HERC3: variants seen among roughly 807,000 people sequenced by gnomAD.
The protein encoded by HERC3 is probable E3 ubiquitin-protein ligase HERC3.
HERC3 carries 58 observed loss-of-function variants against 129.9 expected under a neutral mutation model. That is an observed-to-expected ratio of 0.45 (90% CI 0.36 to 0.56). The LOEUF is 0.56. Among genes scored for constraint, HERC3 ranks in the 20% least tolerant of loss-of-function variants. HERC3 has a pLI of 0.00. For missense variants in HERC3, 835 were observed against 1,244.2 expected (o/e 0.67, Z 4.95); for synonymous variants, 430 against 451.0 (o/e 0.95, Z 0.59).
At chr4:88,548,720 G>A in the HERC3 span, among the ~76,000 whole-genome samples, 1 of 151,568 alleles carries the variant, frequency 6.6e-6, no homozygotes, top group East Asian at 1.9e-4. Context: ...GAGGGCAGTG[G>A]CACCATCTCG....
chr4:88,581,309 T>TA, the HERC3 span, among the ~76,000 whole-genome samples: 840 of 148,814 alleles, frequency 5.6e-3, 4 homozygotes, highest in Middle Eastern at 0.014. Flanking sequence ...TTATTATTAT[T>TA]TTTTTTTTGA....
intron 3 of HERC3, among the ~76,000 whole-genome samples, chr4:88,628,643 A>G (rs1161903040): frequency 1.3e-5 from 2 of 152,188 alleles, no homozygotes; most frequent in Non-Finnish European, 2.9e-5. Flanking sequence ...AATGTTTCAC[A>G]TTTGCTGTAG....
At chr4:88,634,441 C>A (rs936499573) in intron 3 of HERC3, among the ~76,000 whole-genome samples, 2 of 152,170 alleles carry the variant, frequency 1.3e-5, no homozygotes, top group Non-Finnish European at 1.5e-5. Flanking sequence ...GGCTTCCTTG[C>A]AGGAACTCCG....
intron 3 of HERC3, among the ~76,000 whole-genome samples, chr4:88,621,676 G>A (rs1215387284): frequency 1.3e-5 from 2 of 152,154 alleles, no homozygotes; most frequent in Non-Finnish European, 2.9e-5. Flanking sequence ...GAGAAAGAAA[G>A]GTCACCCCTA....
chr4:88,617,201 A>G (rs28585041), intron 3 of HERC3, among the ~76,000 whole-genome samples: 5,761 of 135,864 alleles, frequency 0.042, 154 homozygotes, highest in Middle Eastern at 0.12. Context: ...AAAAAAAAAA[A>G]GAAATTGAGA....
Position 88,595,178 on chromosome 4 carries a change from A to G in HERC3, c.-87-379A>G, listed in dbSNP as rs146216122. ...AACAGTTGTGGCAAAACAAGCTGCT[A>G]TGTGTCATACATGGAAAAATAAAGA... is the stretch of plus-strand genomic sequence containing the variant. On this transcript the variant is annotated intron_variant, in intron 1 of 25. Transcript: ENST00000402738. Among the ~76,000 whole-genome samples the G allele has an allele frequency of 7.2e-4, 110 of 151,976 alleles. 1 individual carries two copies. The East Asian group carries it at 0.02, about 28-fold the overall frequency.
chr4:88,663,711 T>A (rs1730747639), intron 11 of HERC3, among the ~76,000 whole-genome samples: 1 of 152,258 alleles, frequency 6.6e-6, no homozygotes, highest in South Asian at 2.1e-4. Context: ...CACTATTTTT[T>A]AATTTATGTC....
chr4:88,574,582 C>T, the HERC3 span, among the ~76,000 whole-genome samples: 2 of 152,210 alleles, frequency 1.3e-5, no homozygotes, highest in African/African-American at 4.8e-5. Context: ...AACCACTCTC[C>T]ATTTCCTCTT....
chr4:88,627,998 G>A (rs1560692630), intron 3 of HERC3, among the ~76,000 whole-genome samples: 1 of 151,674 alleles, frequency 6.6e-6, no homozygotes, highest in Non-Finnish European at 1.5e-5. Flanking sequence ...GTGCATCAAC[G>A]ATCAAAAAGA....
chr4:88,640,022 A>G (rs376818708), intron 3 of HERC3, among the ~76,000 whole-genome samples: 6 of 152,352 alleles, frequency 3.9e-5, no homozygotes, highest in African/African-American at 9.6e-5. Flanking sequence ...CAAAACCACA[A>G]TGAGATACCA....
chr4:88,534,925 T>C, the HERC3 span, among the ~76,000 whole-genome samples: 1 of 152,200 alleles, frequency 6.6e-6, no homozygotes, highest in Non-Finnish European at 1.5e-5. Flanking sequence ...TTTTTTTGTA[T>C]TCAGATGAAG....
chr4:88,624,341 C>G (rs1725863141), intron 3 of HERC3, among the ~76,000 whole-genome samples: 1 of 152,110 alleles, frequency 6.6e-6, no homozygotes, highest in Non-Finnish European at 1.5e-5. Context: ...AAGAAACTGC[C>G]AGTAATTTAT....
chr4:88,544,634 G>A, the HERC3 span, among the ~76,000 whole-genome samples: 1 of 152,142 alleles, frequency 6.6e-6, no homozygotes, highest in Non-Finnish European at 1.5e-5. Flanking sequence ...GTTTATTGCG[G>A]CACTATTCAC....
intron 23 of HERC3, among the ~76,000 whole-genome samples, chr4:88,688,519 A>G (rs1259268152): frequency 2.6e-5 from 4 of 152,172 alleles, no homozygotes; most frequent in African/African-American, 4.8e-5. Flanking sequence ...GTCTGATTAT[A>G]TATGGATGGT....
chr4:88,664,697 G>T (rs996400983), intron 12 of HERC3, among the ~76,000 whole-genome samples: 1 of 152,012 alleles, frequency 6.6e-6, no homozygotes, highest in Non-Finnish European at 1.5e-5. Context: ...TAATTCCTCA[G>T]ATAATTTTCT....
Position 88,662,004 on chromosome 4 carries a change from T to C in HERC3, c.1147-427T>C, listed in dbSNP as rs139579215. On this transcript the variant is annotated intron_variant, in intron 10 of 25. Coordinates refer to ENST00000402738, the MANE Select transcript of HERC3 (RefSeq NM_014606.3). ...GGGAAACAGACCCGAGACTCAAAGG[T>C]TTTTGGGAGAGTGCTTTCTAGAAGA... 1.7e-3 allele frequency among the ~76,000 whole-genome samples: 262 copies of C among 151,624 alleles called. 1 individual carries two copies. The highest frequency in any genetic ancestry group is 2.6e-3 in the Non-Finnish European group (173 of 67,822).
rs1724743090 is a variant in HERC3, at chr4:88,614,983, A to G, written c.226+8934A>G. On this transcript the variant is annotated intron_variant, in intron 3 of 25. Coordinates refer to ENST00000402738, the MANE Select transcript of HERC3 (RefSeq NM_014606.3). ...AGTGAAGAGATAGGTCACCAACAGTACTGAATTCTGAATTCTAACAAATGT... is the reference window on the plus strand; with the variant it reads ...AGTGAAGAGATAGGTCACCAACAGTGCTGAATTCTGAATTCTAACAAATGT... Among the ~76,000 whole-genome samples, 3 of 152,324 alleles carry G rather than the reference A, an allele frequency of 2.0e-5. No homozygotes were observed. In the South Asian group the frequency reaches 6.2e-4, roughly 32 times the overall value.
intron 1 of HERC3, among the ~76,000 whole-genome samples, chr4:88,594,818 T>C (rs1722166308): frequency 6.6e-6 from 1 of 152,102 alleles, no homozygotes; most frequent in African/African-American, 2.4e-5. Context: ...GTGCAGTGAC[T>C]GGCTGGGCGC....
intron 3 of HERC3, among the ~76,000 whole-genome samples, chr4:88,627,389 G>A (rs1486724579): frequency 6.6e-6 from 1 of 152,056 alleles, no homozygotes; most frequent in African/African-American, 2.4e-5. Flanking sequence ...TATTTATATA[G>A]CATTTACATT....
Sources: allele counts gnomAD v4.1 joint callset (sites outside exome capture counted in the v4.1 genomes callset), GRCh38; gene constraint gnomAD v4.1.1; transcripts MANE v1.5; gene names NCBI Gene and HGNC (gene_info 2026-07-23, HGNC 2026-07-21).